The following FSD1L variants were observed in gnomAD, a reference collection of about 807,000 sequenced individuals.
The protein encoded by FSD1L is FSD1-like protein.
Under a neutral mutation model 71.6 loss-of-function variants are expected in FSD1L, and 45 were observed. The ratio of observed to expected loss-of-function variants is 0.63; its 90% CI spans 0.49 to 0.81. The LOEUF is 0.81. Ranked by LOEUF, FSD1L falls within the 30% of genes least tolerant of loss-of-function variation. The pLI is 0.00. For synonymous variants in FSD1L, 197 were observed against 207.2 expected (o/e 0.95, Z 0.42); for missense variants, 561 against 618.1 (o/e 0.91, Z 0.98).
intron 7 of FSD1L, among the ~76,000 whole-genome samples, chr9:105,494,871 A>C (rs1428596442): frequency 6.6e-6 from 1 of 152,108 alleles, no homozygotes; most frequent in African/African-American, 2.4e-5. Context: ...GTTTTGTCTC[A>C]GAGGAGTACC....
intron 7 of FSD1L, among the ~76,000 whole-genome samples, chr9:105,499,300 C>G (rs752964656): frequency 6.6e-6 from 1 of 152,058 alleles, no homozygotes; most frequent in Non-Finnish European, 1.5e-5. Flanking sequence ...TAAATAGTTG[C>G]CCTTATTGTT....
At chr9:105,476,517 T>C (rs1440741662) in intron 5 of FSD1L, among the ~76,000 whole-genome samples, 2 of 152,202 alleles carry the variant, frequency 1.3e-5, no homozygotes, top group African/African-American at 4.8e-5. Flanking sequence ...TAATTCCATG[T>C]AGTGAGTTAT....
At chr9:105,484,040 AAGTC>A (rs1832376171) in intron 6 of FSD1L, among the ~76,000 whole-genome samples, 1 of 152,134 alleles carries the variant, frequency 6.6e-6, no homozygotes, top group African/African-American at 2.4e-5. Context: ...TGGCATCAGG[AAGTC>A]AGTAAGATTG....
rs982192157 is a variant in FSD1L, at chr9:105,546,929, C to T, written c.*446C>T. Reference sequence around the variant, plus strand: ...AGAAGCTTTAAAAATACATAGTCATCCAAGGTTTTCTAAAAATTGAAATCA... The same window carrying T: ...AGAAGCTTTAAAAATACATAGTCATTCAAGGTTTTCTAAAAATTGAAATCA... On this transcript the variant is annotated 3_prime_UTR_variant, in exon 14 of 14. Coordinates refer to ENST00000481272, the MANE Select transcript of FSD1L (RefSeq NM_001145313.3). 1 of 151,972 alleles carries T rather than the reference C, an allele frequency of 6.6e-6. No homozygotes were observed. The highest frequency in any genetic ancestry group is 6.6e-5 in the Admixed American group (1 of 15,248). The allele number at this position is 151,972 out of a possible 1,614,324, so 9.4% of individuals were successfully genotyped here. A position where few individuals can be genotyped will look rare whatever the true frequency, so the allele number is the denominator to read the frequency against.
At chr9:105,539,008 G>A (rs1439437453) in intron 12 of FSD1L, among the ~76,000 whole-genome samples, 1 of 152,102 alleles carries the variant, frequency 6.6e-6, no homozygotes, top group Non-Finnish European at 1.5e-5. Context: ...GAAATAGTTT[G>A]TATTAAATAA....
chr9:105,449,920 T>C (rs1829886653), intron 1 of FSD1L, among the ~76,000 whole-genome samples: 1 of 152,246 alleles, frequency 6.6e-6, no homozygotes, highest in Non-Finnish European at 1.5e-5. Flanking sequence ...TTAGCTTCTC[T>C]TTCTTAGTAG....
intron 6 of FSD1L, among the ~76,000 whole-genome samples, chr9:105,483,496 G>A (rs922023828): frequency 4.6e-5 from 7 of 152,048 alleles, no homozygotes; most frequent in Non-Finnish European, 7.4e-5. Context: ...GATCATTCTT[G>A]AACCAAAGAT....
chr9:105,487,614 AGG>A (rs1361505421), intron 7 of FSD1L, among the ~76,000 whole-genome samples: 31 of 152,202 alleles, frequency 2.0e-4, no homozygotes, highest in African/African-American at 7.5e-4. Context: ...TATGTAGGGT[AGG>A]ACCTTTTAAT....
chr9:105,513,610 C>T (rs1326705919), intron 10 of FSD1L: 5 of 1,533,092 alleles, frequency 3.3e-6, no homozygotes, highest in Non-Finnish European at 4.4e-6. Flanking sequence ...GTCCATGTTA[C>T]TTCACTGAAG....
chr9:105,445,626 C>T (rs2812299), upstream of FSD1L, among the ~76,000 whole-genome samples: 43,757 of 152,008 alleles, frequency 0.29, 6,503 homozygotes, highest in Non-Finnish European at 0.31. Flanking sequence ...CCCATAGTGG[C>T]AAGCAGGGGC....
At chr9:105,508,963 A>G (rs1834236555) in intron 9 of FSD1L, among the ~76,000 whole-genome samples, 1 of 152,164 alleles carries the variant, frequency 6.6e-6, no homozygotes, top group Non-Finnish European at 1.5e-5. Context: ...TCTCTGGGAG[A>G]TGCTTAATTT....
intron 10 of FSD1L, among the ~76,000 whole-genome samples, chr9:105,518,442 G>A (rs931465282): frequency 1.3e-5 from 2 of 152,060 alleles, no homozygotes; most frequent in South Asian, 4.1e-4. Context: ...GCAAAAGAAT[G>A]GAAATCATAA....
rs921150319 is a variant in FSD1L, at chr9:105,500,225, G to C, written c.587-6174G>C. On this transcript the variant is annotated intron_variant, in intron 7 of 13. Transcript: ENST00000481272. ...TTTTCTTGATGACCAGACATGTATTGGGTTAAAGAAACTGATGTAAACTGG... is the reference window on the plus strand; with the variant it reads ...TTTTCTTGATGACCAGACATGTATTCGGTTAAAGAAACTGATGTAAACTGG... 2.6e-4 allele frequency among the ~76,000 whole-genome samples: 39 copies of C among 152,154 alleles called. 2 individuals carry two copies. The highest frequency in any genetic ancestry group is 7.3e-5 in the Non-Finnish European group (5 of 68,032).
At chr9:105,448,522 C>T (rs961738469) in intron 1 of FSD1L, among the ~76,000 whole-genome samples, 2 of 152,248 alleles carry the variant, frequency 1.3e-5, no homozygotes, top group Non-Finnish European at 2.9e-5. Flanking sequence ...TTAAAATCAG[C>T]CACTCTGCAG....
intron 1 of FSD1L, among the ~76,000 whole-genome samples, chr9:105,458,659 C>T (rs1261831044): frequency 6.6e-6 from 1 of 152,132 alleles, no homozygotes; most frequent in Non-Finnish European, 1.5e-5. Context: ...ATTTGTTTGA[C>T]TGAAAGGCAT....
chr9:105,523,551 A>G (rs1835318945), intron 10 of FSD1L: 1 of 1,612,570 alleles, frequency 6.2e-7, no homozygotes, highest in South Asian at 1.1e-5. Context: ...GAATCTAGCT[A>G]AGATTAGAGA....
intron 7 of FSD1L, 28 bp downstream of exon 7, chr9:105,484,530 T>A: frequency 7.1e-7 from 1 of 1,414,530 alleles, no homozygotes; most frequent in Middle Eastern, 1.8e-4. Flanking sequence ...ATGTAAAGTT[T>A]TGTATAAAAC....
At chr9:105,526,251 G>A in intron 10 of FSD1L, 2 of 1,601,392 alleles carry the variant, frequency 1.2e-6, no homozygotes, top group African/African-American at 2.7e-5. Flanking sequence ...CACGATACCT[G>A]CAAACAATTG....
chr9:105,486,042 C>T (rs1466831032), intron 7 of FSD1L, among the ~76,000 whole-genome samples: 1 of 147,502 alleles, frequency 6.8e-6, no homozygotes, highest in African/African-American at 2.7e-5. Flanking sequence ...ATTGGAAAAA[C>T]AAGTTAGTAG....
Sources: allele counts gnomAD v4.1 joint callset (sites outside exome capture counted in the v4.1 genomes callset), GRCh38; gene constraint gnomAD v4.1.1; transcripts MANE v1.5; gene names NCBI Gene and HGNC (gene_info 2026-07-23, HGNC 2026-07-21).